DKK2: variants seen among roughly 807,000 people sequenced by gnomAD.
The protein encoded by DKK2 is dickkopf-related protein 2.
A neutral mutation model predicts 28.1 loss-of-function variants in DKK2; 11 were observed. That is an observed-to-expected ratio of 0.39 (90% CI 0.25 to 0.65). The LOEUF is 0.65. Among genes scored for constraint, DKK2 ranks in the 30% least tolerant of loss-of-function variants. DKK2 has a pLI of 0.47. For missense variants in DKK2, 326 were observed against 335.5 expected, an observed-to-expected ratio of 0.97 and a Z score of 0.22; for synonymous variants, 135 against 126.5, an observed-to-expected ratio of 1.07 and a Z score of -0.45.
chr4:106,973,872 T>C (rs1443998223), intron 1 of DKK2, among the ~76,000 whole-genome samples: 1 of 152,312 alleles, frequency 6.6e-6, no homozygotes, highest in East Asian at 1.9e-4. Flanking sequence ...GTTTTAGCTC[T>C]TACATTTAAC....
At chr4:106,964,579 G>A (rs1722738923) in intron 1 of DKK2, among the ~76,000 whole-genome samples, 1 of 152,096 alleles carries the variant, frequency 6.6e-6, no homozygotes. Flanking sequence ...TCTGAATTGA[G>A]CATTATATAT....
intron 1 of DKK2, among the ~76,000 whole-genome samples, chr4:106,934,058 T>TACAC (rs148355721): frequency 1.7e-3 from 236 of 140,740 alleles, no homozygotes; most frequent in African/African-American, 4.3e-3. Flanking sequence ...TACACACAGA[T>TACAC]ACACACACAC....
intron 1 of DKK2, among the ~76,000 whole-genome samples, chr4:106,967,137 G>A (rs2110352724): frequency 6.6e-6 from 1 of 152,102 alleles, no homozygotes; most frequent in Non-Finnish European, 1.5e-5. Flanking sequence ...CTTATCACAG[G>A]CCAGGCACCA....
chr4:106,932,825 T>C (rs1724522857), intron 1 of DKK2, among the ~76,000 whole-genome samples: 1 of 152,258 alleles, frequency 6.6e-6, no homozygotes, highest in Non-Finnish European at 1.5e-5. Flanking sequence ...TGTTGCCTTA[T>C]AAATTTTCCT....
At chr4:106,970,725 T>C (rs1224606738) in intron 1 of DKK2, among the ~76,000 whole-genome samples, 1 of 152,098 alleles carries the variant, frequency 6.6e-6, no homozygotes, top group Non-Finnish European at 1.5e-5. Context: ...GTAGCAAAAG[T>C]GGCACTGCTG....
At chr4:107,023,613 G>A (rs900225269) in intron 1 of DKK2, among the ~76,000 whole-genome samples, 1 of 152,028 alleles carries the variant, frequency 6.6e-6, no homozygotes, top group African/African-American at 2.4e-5. Context: ...CACAAAGAGT[G>A]AGCCCTTGTG....
At chr4:107,021,806 C>T (rs1156503468) in intron 1 of DKK2, among the ~76,000 whole-genome samples, 1 of 144,700 alleles carries the variant, frequency 6.9e-6, no homozygotes, top group African/African-American at 2.4e-5. Flanking sequence ...GAAAAACAGA[C>T]ATCAATTCTT....
At chr4:106,962,489 C>CTGTGTG (rs1332862831) in intron 1 of DKK2, among the ~76,000 whole-genome samples, 2 of 112,992 alleles carry the variant, frequency 1.8e-5, no homozygotes, top group Admixed American at 9.8e-5. Context: ...GCCAGAAAAA[C>CTGTGTG]TATGTGTGTG....
intron 1 of DKK2, among the ~76,000 whole-genome samples, chr4:107,028,526 T>C (rs1434867387): frequency 6.6e-6 from 1 of 152,170 alleles, no homozygotes; most frequent in Non-Finnish European, 1.5e-5. Flanking sequence ...TCTTACGTTA[T>C]TGTTGTTATT....
intron 1 of DKK2, among the ~76,000 whole-genome samples, chr4:106,927,700 G>A (rs1013054220): frequency 1.3e-5 from 2 of 151,058 alleles, no homozygotes; most frequent in South Asian, 2.1e-4. Context: ...ATCCCTTCCC[G>A]CCTTACCACA....
chr4:106,927,207 G>A (rs1474664243), intron 1 of DKK2, among the ~76,000 whole-genome samples: 4 of 152,048 alleles, frequency 2.6e-5, no homozygotes, highest in African/African-American at 9.7e-5. Flanking sequence ...TAGGTTTGAT[G>A]GTATAGCTCG....
At chr4:106,960,812 C>T (rs1472588239) in intron 1 of DKK2, among the ~76,000 whole-genome samples, 2 of 151,994 alleles carry the variant, frequency 1.3e-5, no homozygotes, top group Non-Finnish European at 2.9e-5. Flanking sequence ...TTCTACCAAG[C>T]CAGTCTTAAC....
intron 1 of DKK2, among the ~76,000 whole-genome samples, chr4:106,978,651 A>G (rs946504481): frequency 1.3e-5 from 2 of 152,076 alleles, no homozygotes; most frequent in African/African-American, 4.8e-5. Flanking sequence ...GAAAATTTCA[A>G]ACAATCGATC....
chr4:107,034,221 G>A (rs1723926116), intron 1 of DKK2, among the ~76,000 whole-genome samples: 1 of 152,024 alleles, frequency 6.6e-6, no homozygotes, highest in Admixed American at 6.6e-5. Flanking sequence ...GACAGGGGCG[G>A]CGGAGGACAC....
At chr4:107,028,670 A>T (rs1189324179) in intron 1 of DKK2, among the ~76,000 whole-genome samples, 1 of 152,218 alleles carries the variant, frequency 6.6e-6, no homozygotes, top group African/African-American at 2.4e-5. Context: ...TGTGATGTGG[A>T]TATAGATCAT....
intron 1 of DKK2, among the ~76,000 whole-genome samples, chr4:106,983,984 A>C (rs1402399539): frequency 6.6e-6 from 1 of 152,190 alleles, no homozygotes; most frequent in Admixed American, 6.5e-5. Flanking sequence ...GATGCAGAAC[A>C]ACTGGATCCC....
intron 1 of DKK2, among the ~76,000 whole-genome samples, chr4:106,999,548 C>A (rs137974894): frequency 4.0e-5 from 6 of 151,892 alleles, no homozygotes; most frequent in South Asian, 2.1e-4. Context: ...GGTTTCACCA[C>A]GTTAGCCAGG....
At chr4:107,021,238 G>A (rs923258477) in intron 1 of DKK2, among the ~76,000 whole-genome samples, 2 of 151,872 alleles carry the variant, frequency 1.3e-5, no homozygotes, top group African/African-American at 4.8e-5. Context: ...CTTTGTTCAT[G>A]GAAACAACAA....
intron 1 of DKK2, among the ~76,000 whole-genome samples, chr4:107,008,356 A>T (rs1341677236): frequency 2.0e-5 from 3 of 152,072 alleles, no homozygotes; most frequent in Non-Finnish European, 4.4e-5. Flanking sequence ...CTGACCAAAA[A>T]TATTTAGAAC....
Sources: allele counts gnomAD v4.1 joint callset (sites outside exome capture counted in the v4.1 genomes callset), GRCh38; gene constraint gnomAD v4.1.1; transcripts MANE v1.5; gene names NCBI Gene and HGNC (gene_info 2026-07-23, HGNC 2026-07-21).